RAPGEF5: variants seen among roughly 807,000 people sequenced by gnomAD.
RAPGEF5 encodes M-Ras-regulated GEF.
RAPGEF5 carries 65 observed loss-of-function variants against 125.2 expected under a neutral mutation model. That is an observed-to-expected ratio of 0.52 (90% CI 0.43 to 0.64). The LOEUF (loss-of-function observed/expected upper bound fraction) is 0.64. Among genes scored for constraint, RAPGEF5 ranks in the 30% least tolerant of loss-of-function variants. RAPGEF5 has a pLI of 0.00. For missense variants in RAPGEF5, 958 were observed against 1,048.1 expected (o/e 0.91, Z 1.19); for synonymous variants, 391 against 385.9 (o/e 1.01, Z -0.16).
At chr7:22,272,083 C>T (rs966862177) in intron 6 of RAPGEF5, among the ~76,000 whole-genome samples, 6 of 151,934 alleles carry the variant, frequency 3.9e-5, no homozygotes, top group African/African-American at 1.5e-4. Flanking sequence ...GTGGCTCATG[C>T]CTGCAATCCC....
chr7:22,170,050 A>C (rs949116669), intron 11 of RAPGEF5, among the ~76,000 whole-genome samples: 1 of 151,248 alleles, frequency 6.6e-6, no homozygotes, highest in African/African-American at 2.4e-5. Context: ...TTTGCACTCA[A>C]TATTAGACAC....
intron 5 of RAPGEF5, 43 bp downstream of exon 5, chr7:22,308,296 T>C (rs1783390891): frequency 1.3e-6 from 2 of 1,522,952 alleles, no homozygotes; most frequent in Non-Finnish European, 1.8e-6. Context: ...GTAAATGTTG[T>C]CTAAGTGTAA....
rs571976350 is a variant in RAPGEF5 at position 22,122,386 on chromosome 7, G to A, written c.*20C>T. 2.6e-6 allele frequency: 4 copies of A among 1,560,090 alleles called. No individual in the cohort carries two copies. The highest frequency in any genetic ancestry group is 2.7e-5 in the African/African-American group (2 of 73,886). ...GTAGCTCAAAGTGCTGCAGATACAG[G>A]GGAGGTGAGGCAGTGGGGCTCACAC... On this transcript the variant is annotated 3_prime_UTR_variant, in exon 26 of 26. Coordinates refer to ENST00000665637, the MANE Select transcript of RAPGEF5 (RefSeq NM_012294.5).
intron 7 of RAPGEF5, among the ~76,000 whole-genome samples, chr7:22,259,914 C>T (rs1276065888): frequency 6.6e-6 from 1 of 152,110 alleles, no homozygotes; most frequent in African/African-American, 2.4e-5. Context: ...GGTGAAACCC[C>T]GTCTACTGAA....
intron 6 of RAPGEF5, among the ~76,000 whole-genome samples, chr7:22,272,207 G>A (rs1029891469): frequency 6.6e-6 from 1 of 151,672 alleles, no homozygotes; most frequent in African/African-American, 2.4e-5. Flanking sequence ...AGCCGAGTAT[G>A]GTGCACGCAC....
intron 9 of RAPGEF5, among the ~76,000 whole-genome samples, chr7:22,215,531 G>A (rs906798573): frequency 3.7e-4 from 56 of 152,324 alleles, no homozygotes; most frequent in African/African-American, 1.3e-3. Flanking sequence ...CTTGAGGGCA[G>A]GAGCCACATA....
At chr7:22,195,695 G>A (rs561288652) in intron 9 of RAPGEF5, among the ~76,000 whole-genome samples, 2 of 152,050 alleles carry the variant, frequency 1.3e-5, no homozygotes, top group Non-Finnish European at 2.9e-5. Context: ...TAAGGTGGCT[G>A]GAGAGAAGTG....
At chr7:22,265,201 A>G (rs1782253738) in intron 7 of RAPGEF5, among the ~76,000 whole-genome samples, 1 of 152,154 alleles carries the variant, frequency 6.6e-6, no homozygotes, top group South Asian at 2.1e-4. Flanking sequence ...GTGCTATTGA[A>G]CAGTAGAGAA....
intron 17 of RAPGEF5, among the ~76,000 whole-genome samples, chr7:22,151,929 A>G (rs1055803931): frequency 2.0e-4 from 31 of 152,144 alleles, no homozygotes; most frequent in African/African-American, 7.0e-4. Context: ...TTCTACCACA[A>G]TTGGAGCCCT....
chr7:22,305,915 T>G (rs1783327664), intron 5 of RAPGEF5, among the ~76,000 whole-genome samples: 1 of 152,244 alleles, frequency 6.6e-6, no homozygotes, highest in Admixed American at 6.5e-5. Context: ...TAGTATTCCA[T>G]TGTGTATATG....
intron 11 of RAPGEF5, among the ~76,000 whole-genome samples, chr7:22,183,646 T>C (rs1344667731): frequency 6.6e-6 from 1 of 152,138 alleles, no homozygotes; most frequent in Non-Finnish European, 1.5e-5. Flanking sequence ...TGGCTGCAGT[T>C]TACACAGGAA....
chr7:22,160,737 C>T, intron 13 of RAPGEF5, 122 bp from the exon 14 acceptor site: 1 of 1,179,818 alleles, frequency 8.5e-7, no homozygotes, highest in Non-Finnish European at 1.1e-6. Context: ...GTACGGGTTT[C>T]ACCAGGTGCC....
chr7:22,174,219 A>G (rs1784437399), intron 11 of RAPGEF5, among the ~76,000 whole-genome samples: 1 of 152,178 alleles, frequency 6.6e-6, no homozygotes. Context: ...AGTGCTACCA[A>G]TCCGCCAACA....
Position 22,122,359 on chromosome 7 carries a change from C to A in RAPGEF5, c.*47G>T. 6.9e-7 allele frequency: 1 copy of A among 1,453,134 alleles called. No homozygotes were observed. The highest frequency in any genetic ancestry group is 1.1e-5 in the South Asian group (1 of 87,042). The allele number at this position is 1,453,134 out of a possible 1,614,324, so 90.0% of individuals were successfully genotyped here. ...AGCAACGTGCTTGGCATAGACATTC[C>A]CGTAGCTCAAAGTGCTGCAGATACA... On this transcript the variant is annotated 3_prime_UTR_variant, in exon 26 of 26. Transcript: ENST00000665637.
chr7:22,243,051 C>A (rs189579453), intron 7 of RAPGEF5, among the ~76,000 whole-genome samples: 4 of 151,674 alleles, frequency 2.6e-5, no homozygotes, highest in African/African-American at 9.7e-5. Context: ...TTGTAAGGAC[C>A]ACAGAGCCAC....
At chr7:22,266,076 A>G (rs1782275304) in intron 7 of RAPGEF5, among the ~76,000 whole-genome samples, 1 of 152,230 alleles carries the variant, frequency 6.6e-6, no homozygotes, top group African/African-American at 2.4e-5. Flanking sequence ...TAACTGAGAA[A>G]AAATCAAATT....
Position 22,321,522 on chromosome 7 carries a change from T to C in RAPGEF5, c.232-3485A>G, listed in dbSNP as rs184879675. ...ATACTATCCTTAGACTCAGTTAAAG[T>C]ACTTAGGCTACTAAGGGGTGAGAGA... On this transcript the variant is annotated intron_variant, in intron 1 of 25. Coordinates refer to ENST00000665637, the MANE Select transcript of RAPGEF5 (RefSeq NM_012294.5). 2.7e-5 allele frequency among the ~76,000 whole-genome samples: 4 copies of C among 150,164 alleles called. No individual in the cohort carries two copies. In the East Asian group the frequency reaches 7.7e-4, roughly 29 times the overall value.
intron 7 of RAPGEF5, 102 bp from the exon 8 acceptor site, chr7:22,231,021 G>A: frequency 2.7e-6 from 3 of 1,101,872 alleles, no homozygotes; most frequent in Admixed American, 2.1e-5. Flanking sequence ...ATGTTAGATA[G>A]ATTCACAAAA....
At chr7:22,212,241 G>A (rs1324813559) in intron 9 of RAPGEF5, among the ~76,000 whole-genome samples, 1 of 152,116 alleles carries the variant, frequency 6.6e-6, no homozygotes, top group Non-Finnish European at 1.5e-5. Flanking sequence ...CCAAAGTGCT[G>A]GGATTACAGG....
Sources: gnomAD v4.1 joint callset for allele counts (sites outside exome capture counted in the v4.1 genomes callset) on GRCh38, gnomAD v4.1.1 for gene constraint, MANE v1.5 for transcripts, NCBI Gene and HGNC (gene_info 2026-07-23, HGNC 2026-07-21) for gene names.